SMOC1: variants seen among roughly 807,000 people sequenced by gnomAD.
The protein encoded by SMOC1 is SPARC related modular calcium binding 1.
In SMOC1, 22 loss-of-function variants were observed where a neutral mutation model predicts 56.3. The ratio of observed to expected loss-of-function variants is 0.39; its 90% CI spans 0.28 to 0.56. SMOC1 has a LOEUF of 0.56. Ranked by LOEUF, SMOC1 falls within the 20% of genes least tolerant of loss-of-function variation. The pLI is 0.61. For missense variants in SMOC1, 509 were observed against 565.4 expected, an observed-to-expected ratio of 0.90 and a Z score of 1.01; for synonymous variants, 193 against 215.0, an observed-to-expected ratio of 0.90 and a Z score of 0.89.
intron 5 of SMOC1, among the ~76,000 whole-genome samples, chr14:69,981,874 AT>A (rs1309961219): frequency 3.9e-5 from 6 of 152,210 alleles, no homozygotes; most frequent in African/African-American, 1.4e-4. Context: ...AGCTTCCAGG[AT>A]AACTGAACAC....
chr14:69,883,815 G>A (rs953242400), intron 1 of SMOC1, among the ~76,000 whole-genome samples: 3 of 148,598 alleles, frequency 2.0e-5, no homozygotes, highest in Non-Finnish European at 4.5e-5. Context: ...TTTGATAATA[G>A]CCATTCTAAC....
At chr14:69,895,217 C>A (rs1884062723) in intron 1 of SMOC1, among the ~76,000 whole-genome samples, 1 of 152,174 alleles carries the variant, frequency 6.6e-6, no homozygotes, top group African/African-American at 2.4e-5. Flanking sequence ...CCGTCCTTGC[C>A]ACCTGACTAT....
intron 1 of SMOC1, among the ~76,000 whole-genome samples, chr14:69,942,602 C>T (rs1229850949): frequency 1.3e-5 from 2 of 152,144 alleles, no homozygotes; most frequent in Admixed American, 1.3e-4. Flanking sequence ...AATCATTAAT[C>T]CAATTTCTGT....
intron 1 of SMOC1, among the ~76,000 whole-genome samples, chr14:69,896,686 T>A (rs963176930): frequency 2.6e-5 from 4 of 152,222 alleles, no homozygotes; most frequent in African/African-American, 9.6e-5. Flanking sequence ...ATCAAATTCC[T>A]TCACTTTCCC....
At chr14:69,982,652 C>T (rs1463771267) in intron 5 of SMOC1, among the ~76,000 whole-genome samples, 1 of 152,158 alleles carries the variant, frequency 6.6e-6, no homozygotes, top group African/African-American at 2.4e-5. Context: ...AGGGACATTC[C>T]ACATGTGAAA....
At chr14:69,975,841 G>A (rs754978494) in intron 4 of SMOC1, 27 bp downstream of exon 4, 18 of 1,553,246 alleles carry the variant, frequency 1.2e-5, no homozygotes, top group Non-Finnish European at 1.6e-5. Flanking sequence ...CGGGAAGAAT[G>A]AAAAGGGTTG....
At chr14:69,894,294 A>G (rs1332506628) in intron 1 of SMOC1, among the ~76,000 whole-genome samples, 1 of 152,144 alleles carries the variant, frequency 6.6e-6, no homozygotes, top group African/African-American at 2.4e-5. Flanking sequence ...TCCTATCTAA[A>G]CATCATCCTT....
intron 10 of SMOC1, among the ~76,000 whole-genome samples, chr14:70,020,865 T>C (rs1369700472): frequency 3.3e-5 from 5 of 152,154 alleles, no homozygotes; most frequent in Non-Finnish European, 2.9e-5. Context: ...GAAGAACTGC[T>C]TCTTGCTGCA....
intron 7 of SMOC1, among the ~76,000 whole-genome samples, chr14:70,009,493 A>G (rs79075706): frequency 0.031 from 4,647 of 152,354 alleles, 123 homozygotes; most frequent in Middle Eastern, 0.14. Flanking sequence ...TCAGTGCACA[A>G]CATGGTTCTC....
chr14:69,924,426 CCTT>C (rs1419602225), intron 1 of SMOC1, among the ~76,000 whole-genome samples: 3 of 151,892 alleles, frequency 2.0e-5, no homozygotes, highest in Non-Finnish European at 4.4e-5. Context: ...CTTTTGTGAT[CCTT>C]CTTCACACAG....
At chr14:69,917,896 C>A (rs962980117) in intron 1 of SMOC1, among the ~76,000 whole-genome samples, 3 of 152,174 alleles carry the variant, frequency 2.0e-5, no homozygotes, top group Non-Finnish European at 4.4e-5. Flanking sequence ...CAGCAGCAGG[C>A]AGAATGGGAG....
chr14:69,929,535 G>A (rs1026188980), intron 1 of SMOC1, among the ~76,000 whole-genome samples: 3 of 152,156 alleles, frequency 2.0e-5, no homozygotes, highest in Admixed American at 1.3e-4. Context: ...ACTGTGCTAC[G>A]TTGGCCACAG....
intron 1 of SMOC1, among the ~76,000 whole-genome samples, chr14:69,911,068 A>T (rs1414133321): frequency 1.3e-5 from 2 of 152,178 alleles, no homozygotes; most frequent in African/African-American, 4.8e-5. Context: ...TCATCATGGA[A>T]CTTGTTGCTA....
intron 1 of SMOC1, among the ~76,000 whole-genome samples, chr14:69,937,057 G>T (rs568090541): frequency 6.6e-6 from 1 of 152,334 alleles, no homozygotes; most frequent in South Asian, 2.1e-4. Context: ...TGGGTGAAAA[G>T]TCTTTAGTAC....
At chr14:69,955,886 C>T (rs971703761) in intron 3 of SMOC1, among the ~76,000 whole-genome samples, 2 of 152,160 alleles carry the variant, frequency 1.3e-5, no homozygotes, top group Non-Finnish European at 2.9e-5. Flanking sequence ...GGGGCTGAGA[C>T]AGGGTGAAGG....
chr14:69,952,652 G>T (rs1883046480), intron 2 of SMOC1, among the ~76,000 whole-genome samples: 1 of 152,140 alleles, frequency 6.6e-6, no homozygotes, highest in African/African-American at 2.4e-5. Flanking sequence ...GTTTTGTTTG[G>T]TCTGTTTGCC....
intron 1 of SMOC1, among the ~76,000 whole-genome samples, chr14:69,882,298 C>T (rs1342313661): frequency 1.3e-5 from 2 of 152,194 alleles, no homozygotes; most frequent in Non-Finnish European, 2.9e-5. Context: ...GTGACAGAGG[C>T]TTAAGGATTG....
intron 1 of SMOC1, among the ~76,000 whole-genome samples, chr14:69,900,652 G>A (rs897860088): frequency 1.3e-5 from 2 of 152,216 alleles, no homozygotes; most frequent in African/African-American, 4.8e-5. Context: ...GCAGCAGGGT[G>A]TTTACTCACA....
At chr14:69,943,941 T>C (rs1360089139) in intron 1 of SMOC1, among the ~76,000 whole-genome samples, 1 of 152,202 alleles carries the variant, frequency 6.6e-6, no homozygotes, top group African/African-American at 2.4e-5. Context: ...TATCCCTACA[T>C]TGAGGAAGGC....
Sources: gnomAD v4.1 joint callset for allele counts (sites outside exome capture counted in the v4.1 genomes callset) on GRCh38, gnomAD v4.1.1 for gene constraint, MANE v1.5 for transcripts, NCBI Gene and HGNC (gene_info 2026-07-23, HGNC 2026-07-21) for gene names.